The following MRPL35 variants were observed in gnomAD, a reference collection of about 807,000 sequenced individuals.
MRPL35 encodes the protein large ribosomal subunit protein bL35m.
Under a neutral mutation model 21.6 loss-of-function variants are expected in MRPL35, and 18 were observed. The ratio of observed to expected loss-of-function variants is 0.83; its 90% CI spans 0.58 to 1.24. MRPL35 has a LOEUF of 1.24. Among genes scored for constraint, MRPL35 ranks in the 50% most tolerant of loss-of-function variants. The probability of loss-of-function intolerance (pLI) is 0.00; values close to 1 mark genes in which losing one functional copy is unlikely to be tolerated. For missense variants in MRPL35, 223 were observed against 223.2 expected (o/e 1.00, Z 0.01); for synonymous variants, 87 against 86.9 (o/e 1.00, Z -0.01).
chr2:86,200,691 T>A (rs1278293304), intron 1 of MRPL35, among the ~76,000 whole-genome samples: 1 of 152,166 alleles, frequency 6.6e-6, no homozygotes, highest in Non-Finnish European at 1.5e-5. Context: ...TCTTTTTTTT[T>A]TTTTGAGACG....
Position 86,212,312 on chromosome 2 carries a change from C to G in MRPL35, c.*1644C>G. The G allele has an allele frequency of 6.3e-7, 1 of 1,579,754 alleles. No homozygotes were observed. The highest frequency in any genetic ancestry group is 8.6e-7 in the Non-Finnish European group (1 of 1,162,918). On this transcript the variant is annotated 3_prime_UTR_variant, in exon 4 of 4. Coordinates refer to ENST00000337109, the MANE Select transcript of MRPL35 (RefSeq NM_016622.4). Reference sequence around the variant, plus strand: ...TAAAACCAGAAGTCCAAGTGCGTGTCTACTTATGGGACCAATAAATAAAGA... The same window carrying G: ...TAAAACCAGAAGTCCAAGTGCGTGTGTACTTATGGGACCAATAAATAAAGA...
chr2:86,212,303 A>G lies in MRPL35; in HGVS notation c.*1635A>G, dbSNP rs562146242. 3.2e-6 allele frequency: 5 copies of G among 1,551,386 alleles called. No individual in the cohort carries two copies. The African/African-American group carries it at 4.1e-5, about 13-fold the overall frequency. ...AGAATGTTCTAAAACCAGAAGTCCA[A>G]GTGCGTGTCTACTTATGGGACCAAT... On this transcript the variant is annotated 3_prime_UTR_variant, in exon 4 of 4. Transcript: ENST00000337109.
chr2:86,201,076 G>A (rs969033233), intron 1 of MRPL35, among the ~76,000 whole-genome samples: 1 of 152,188 alleles, frequency 6.6e-6, no homozygotes, highest in Admixed American at 6.5e-5. Context: ...TGTTTCTGAG[G>A]ATGTGGGTAT....
intron 1 of MRPL35, 140 bp downstream of exon 1, chr2:86,199,673 G>C: frequency 9.1e-7 from 1 of 1,098,902 alleles, no homozygotes; most frequent in South Asian, 1.4e-5. Flanking sequence ...AATTTTCTCT[G>C]GGGCGGTGTG....
chr2:86,205,245 A>G (rs1051518119), intron 1 of MRPL35, among the ~76,000 whole-genome samples: 1 of 152,194 alleles, frequency 6.6e-6, no homozygotes, highest in Admixed American at 6.5e-5. Context: ...TTTTAAAAAC[A>G]TATATCCTGC....
chr2:86,204,418 CTTTT>C (rs773735586), intron 1 of MRPL35, among the ~76,000 whole-genome samples: 3 of 112,724 alleles, frequency 2.7e-5, no homozygotes, highest in Admixed American at 1.8e-4. Flanking sequence ...AGCTTTAGGA[CTTTT>C]TTTTTTTTTT....
rs61744387 is a variant in MRPL35, at chr2:86,206,204, C to T, written c.142C>T (p.His48Tyr). ...ISALSTGRFS[H>Y]IQTPVVSSTP... is the part of the protein sequence containing the mutation. ...TGCATTGTCCACTGGACGTTTTAGT[C>T]ATATTCAGACACCAGTTGTTTCCTC... Residue 48 changes from histidine to tyrosine, a missense_variant, in exon 2 of 4, where the codon CAT (histidine) becomes TAT (tyrosine). Physicochemically the swap from His to Tyr is moderately conservative, Grantham distance 83. Coordinates refer to ENST00000337109, the MANE Select transcript of MRPL35 (RefSeq NM_016622.4). The T allele has an allele frequency of 6.2e-7, 1 of 1,613,486 alleles. No homozygotes were observed. The highest frequency in any genetic ancestry group is 8.5e-7 in the Non-Finnish European group (1 of 1,179,536).
chr2:86,200,264 G>A (rs1423775514), intron 1 of MRPL35, among the ~76,000 whole-genome samples: 1 of 151,846 alleles, frequency 6.6e-6, no homozygotes, highest in African/African-American at 2.4e-5. Flanking sequence ...AAATTTTACC[G>A]TTAGAGAAAA....
intron 1 of MRPL35, among the ~76,000 whole-genome samples, chr2:86,205,379 T>C (rs1486077494): frequency 6.6e-6 from 1 of 151,946 alleles, no homozygotes; most frequent in Non-Finnish European, 1.5e-5. Context: ...GTCTTCATCA[T>C]CTTTACATTG....
intron 3 of MRPL35, among the ~76,000 whole-genome samples, chr2:86,209,410 T>C (rs1673859762): frequency 6.6e-6 from 1 of 152,202 alleles, no homozygotes; most frequent in Non-Finnish European, 1.5e-5. Context: ...TAGCCAGATG[T>C]TAATTAAGCT....
chr2:86,199,980 G>A (rs1673655908), intron 1 of MRPL35, among the ~76,000 whole-genome samples: 2 of 152,128 alleles, frequency 1.3e-5, no homozygotes, highest in Admixed American at 6.5e-5. Context: ...AAAGCGTTTT[G>A]GGCAGTGCCT....
chr2:86,201,098 G>A (rs1421885383), intron 1 of MRPL35, among the ~76,000 whole-genome samples: 2 of 152,130 alleles, frequency 1.3e-5, no homozygotes, highest in East Asian at 1.9e-4. Context: ...TGTGAAAATC[G>A]CTGTGGAATT....
In MRPL35 at chr2:86,212,374, A is replaced by G; in HGVS notation, c.*1706A>G. On this transcript the variant is annotated 3_prime_UTR_variant, in exon 4 of 4. Coordinates refer to ENST00000337109, the MANE Select transcript of MRPL35 (RefSeq NM_016622.4). ...ATTTGAGGTGAGGTAAAAGCCTGAA[A>G]CATGGAATGGCATTCTGTTTTGATG... 1 of 1,613,636 alleles carries G rather than the reference A, an allele frequency of 6.2e-7. No individual in the cohort carries two copies.
At chr2:86,210,110 T>C (rs1673872358) in intron 3 of MRPL35, among the ~76,000 whole-genome samples, 1 of 152,190 alleles carries the variant, frequency 6.6e-6, no homozygotes, top group Admixed American at 6.5e-5. Context: ...AATAATAGTA[T>C]GTTGTTAAAG....
chr2:86,211,219 T>C lies in MRPL35; in HGVS notation c.*551T>C. The C allele has an allele frequency of 3.1e-6, 3 of 955,972 alleles. No individual in the cohort carries two copies. Among genetic ancestry groups the C allele is most frequent in the Non-Finnish European group, 3.7e-6 (3 of 803,286 alleles). The allele number at this position is 955,972 out of a possible 1,614,324, so 59.2% of individuals were successfully genotyped here. On this transcript the variant is annotated 3_prime_UTR_variant, in exon 4 of 4. Coordinates refer to ENST00000337109, the MANE Select transcript of MRPL35 (RefSeq NM_016622.4). The stretch of plus-strand genomic sequence containing the variant: ...CTATTCACCAACTTCTCTACACAGC[T>C]TTTGCATACTTACAGTTTCTGTTCC...
intron 1 of MRPL35, among the ~76,000 whole-genome samples, chr2:86,203,581 A>G (rs562460882): frequency 6.6e-6 from 1 of 152,366 alleles, no homozygotes; most frequent in South Asian, 2.1e-4. Context: ...ATTTTAAAAA[A>G]TCTAAAATAC....
chr2:86,213,141 G>T lies in MRPL35; in HGVS notation c.*2473G>T. On this transcript the variant is annotated 3_prime_UTR_variant, in exon 4 of 4. Transcript: ENST00000337109. ...TCCTTGGGATCCTGTGTATTTCCCTGAGTCTTCTAACATATGAAAATTCAT... is the reference window on the plus strand; with the variant it reads ...TCCTTGGGATCCTGTGTATTTCCCTTAGTCTTCTAACATATGAAAATTCAT... 8 of 986,382 alleles carry T rather than the reference G, an allele frequency of 8.1e-6. No individual in the cohort carries two copies. The highest frequency in any genetic ancestry group is 8.4e-6 in the Non-Finnish European group (7 of 830,600). The allele number at this position is 986,382 out of a possible 1,614,324, so 61.1% of individuals were successfully genotyped here.
chr2:86,199,514 T>G lies in MRPL35; in HGVS notation c.24T>G (p.Gly8=). The G allele has an allele frequency of 5.0e-6, 8 of 1,614,202 alleles. No individual in the cohort carries two copies. Among genetic ancestry groups the G allele is most frequent in the Middle Eastern group, 1.6e-4 (1 of 6,062 alleles). ...AGATGGCTGCCTCTGCCTTTGCTGG[T>G]GCAGTGAGAGCAGCTTCAGGTCAGT... MAASAFA[G]AVRAASGILR... The change falls in exon 1 of 4, where the codon GGT becomes GGG. Residue 8 remains glycine (G), a synonymous_variant. Transcript: ENST00000337109.
At chr2:86,204,330 A>G (rs1182595330) in intron 1 of MRPL35, among the ~76,000 whole-genome samples, 1 of 151,972 alleles carries the variant, frequency 6.6e-6, no homozygotes, top group Non-Finnish European at 1.5e-5. Flanking sequence ...TTTACATGCC[A>G]TAAAATTACC....
Sources: allele counts gnomAD v4.1 joint callset (sites outside exome capture counted in the v4.1 genomes callset), GRCh38; gene constraint gnomAD v4.1.1; transcripts MANE v1.5; gene names NCBI Gene and HGNC (gene_info 2026-07-23, HGNC 2026-07-21).